Variants in ACSS2 observed in about 807,000 individuals in gnomAD.
The protein encoded by ACSS2 is acyl-CoA synthetase short chain family member 2.
Under a neutral mutation model 90.6 loss-of-function variants are expected in ACSS2, and 58 were observed. The observed-to-expected ratio is 0.64, with a 90% CI of 0.52 to 0.80. The LOEUF is 0.80. ACSS2 is among the 30% of genes least tolerant of loss of function. The pLI is 0.00. For missense variants in ACSS2, 759 were observed against 912.0 expected (o/e 0.83, Z 2.16); for synonymous variants, 300 against 330.9 (o/e 0.91, Z 1.01).
At chr20:34,913,636 C>T (rs1446893307) in intron 4 of ACSS2, 117 bp from the exon 5 acceptor site, 5 of 1,259,632 alleles carry the variant, frequency 4.0e-6, no homozygotes, top group South Asian at 1.3e-5. Flanking sequence ...ATTAGTTATT[C>T]AGTTTCTTCT....
At chr20:34,925,822 CAGCCGA>C (rs1276164624) in intron 15 of ACSS2, 56 bp downstream of exon 15, 1 of 1,571,198 alleles carries the variant, frequency 6.4e-7, no homozygotes, top group Non-Finnish European at 8.7e-7. Flanking sequence ...TGACAACACC[CAGCCGA>C]AGCCTTCCGC....
rs71761863 is a variant in ACSS2, at chr20:34,881,017, A to ATT, written c.179-1751_179-1750dup. On this transcript the variant is annotated intron_variant, in intron 1 of 17. Coordinates refer to ENST00000360596, the MANE Select transcript of ACSS2 (RefSeq NM_018677.4). Reference sequence around the variant, plus strand: ...TTCTAATTGCTTCTCTTTCCTCCAAATTTTTTTTTTTTTTTTTTTTTTTTT... The same window carrying ATT: ...TTCTAATTGCTTCTCTTTCCTCCAAATTTTTTTTTTTTTTTTTTTTTTTTTTT... Among the ~76,000 whole-genome samples, 509 of 75,572 alleles carry ATT rather than the reference A, an allele frequency of 6.7e-3. 28 individuals are homozygous for ATT. The highest frequency in any genetic ancestry group is 0.026 in the African/African-American group (468 of 17,914). 49.6% of individuals were successfully genotyped at this position (75,572 alleles called of 152,430 possible).
rs1045619203 is a variant in ACSS2, at chr20:34,885,332, A to G, written c.374+2343A>G. On this transcript the variant is annotated intron_variant, in intron 2 of 17. Coordinates refer to ENST00000360596, the MANE Select transcript of ACSS2 (RefSeq NM_018677.4). Reference sequence around the variant, plus strand: ...AGGTGCCTAATGGAAAACAGAATACACAGGCCAGAGTTTTCAATCACTGGA... The same window carrying G: ...AGGTGCCTAATGGAAAACAGAATACGCAGGCCAGAGTTTTCAATCACTGGA... 2.0e-5 allele frequency among the ~76,000 whole-genome samples: 3 copies of G among 152,246 alleles called. No homozygotes were observed. In the East Asian group the frequency reaches 5.8e-4, roughly 29 times the overall value.
intron 2 of ACSS2, among the ~76,000 whole-genome samples, chr20:34,893,050 A>G (rs2080373139): frequency 6.6e-6 from 1 of 152,098 alleles, no homozygotes; most frequent in Admixed American, 6.5e-5. Flanking sequence ...ACAGGGTACT[A>G]TTACCATTCT....
At chr20:34,875,000 G>A (rs1286730090), upstream of ACSS2, 1 of 531,076 alleles carries the variant, frequency 1.9e-6, no homozygotes, top group Non-Finnish European at 3.9e-6. Context: ...CAAGGCCTGT[G>A]TAGGCTTCAG....
chr20:34,897,036 GA>G lies in ACSS2; in HGVS notation c.374+14058del, dbSNP rs36102262. Among the ~76,000 whole-genome samples the G allele has an allele frequency of 4.3e-3, 635 of 147,016 alleles. 2 individuals carry two copies. Among genetic ancestry groups the G allele is most frequent in the African/African-American group, 0.015 (592 of 39,818 alleles). ...CAGAGCTAGACTGTCTCAAAAAAAG[GA>G]AAAAAAAAAATAGAAAGAGGCAAGA... is the stretch of plus-strand genomic sequence containing the variant. On this transcript the variant is annotated intron_variant, in intron 2 of 17. Coordinates refer to ENST00000360596, the MANE Select transcript of ACSS2 (RefSeq NM_018677.4).
Position 34,914,078 on chromosome 20 carries a change from G to A in ACSS2, c.644-18G>A, listed in dbSNP as rs1468978929. The A allele has an allele frequency of 9.9e-6, 16 of 1,613,832 alleles. No individual in the cohort carries two copies. Among genetic ancestry groups the A allele is most frequent in the Non-Finnish European group, 1.4e-5 (16 of 1,179,868 alleles). ...CATGGGGCTTACTAAGGCCTGGAATGTCTGTTGCTCCCCAAAGATGCCTTC... is the reference window on the plus strand; with the variant it reads ...CATGGGGCTTACTAAGGCCTGGAATATCTGTTGCTCCCCAAAGATGCCTTC... On this transcript the variant is annotated intron_variant, in intron 5 of 17. Coordinates refer to ENST00000360596, the MANE Select transcript of ACSS2 (RefSeq NM_018677.4).
Position 34,921,876 on chromosome 20 carries a change from T to C in ACSS2, c.1548+10T>C, listed in dbSNP as rs1238748067. Reference sequence around the variant, plus strand: ...AGCTGAAGGTTATCTGGTGAGGCCCTGGCCCTTGGGAGTCTTTAAGGAGAG... The same window carrying C: ...AGCTGAAGGTTATCTGGTGAGGCCCCGGCCCTTGGGAGTCTTTAAGGAGAG... On this transcript the variant is annotated intron_variant, in intron 13 of 17. Transcript: ENST00000360596. The C allele has an allele frequency of 1.2e-6, 2 of 1,610,762 alleles. No homozygotes were observed.
intron 2 of ACSS2, among the ~76,000 whole-genome samples, chr20:34,904,759 T>G (rs557483777): frequency 2.0e-5 from 3 of 152,110 alleles, no homozygotes; most frequent in Non-Finnish European, 4.4e-5. Context: ...TGAGAAGGAC[T>G]AGTGACTGTG....
rs77130458 is a variant in ACSS2 at position 34,895,881 on chromosome 20, C to T, written c.374+12892C>T. 4.1e-3 allele frequency among the ~76,000 whole-genome samples: 617 copies of T among 152,262 alleles called. 2 individuals are homozygous for T. The highest frequency in any genetic ancestry group is 0.014 in the African/African-American group (585 of 41,550). On this transcript the variant is annotated intron_variant, in intron 2 of 17. Coordinates refer to ENST00000360596, the MANE Select transcript of ACSS2 (RefSeq NM_018677.4). ...GATTGAGGACTAATGATTTAAACTG[C>T]CTTTGACCTAGATAATAGAGAACCA...
rs1377448000 is a variant in ACSS2, at chr20:34,923,342, C to T, written c.1568C>T (p.Pro523Leu). 6.2e-7 allele frequency: 1 copy of T among 1,614,120 alleles called. No homozygotes were observed. Among genetic ancestry groups the T allele is most frequent in the South Asian group, 1.1e-5 (1 of 91,080 alleles). ...CCCCAGGTGTTCAAGCAGCCCTGGC[C>T]AGGGATCATGCGCACAGTCTATGGG... ...EGYLVFKQPW[P>L]GIMRTVYGNH... Residue 523 changes from proline to leucine, a missense_variant, in exon 14 of 18, where the codon CCA (proline) becomes CTA (leucine). Transcript: ENST00000360596.
At position 34,922,593 on chromosome 20, in the gene ACSS2, A is replaced by G. The variant is rs549013398; in HGVS notation, c.1548+727A>G. Reference sequence around the variant, plus strand: ...CACTTCATCCTGGGCAACAAGAGCAAAATTCCGTCTCAGAAAAAAATAATG... The same window carrying G: ...CACTTCATCCTGGGCAACAAGAGCAGAATTCCGTCTCAGAAAAAAATAATG... On this transcript the variant is annotated intron_variant, in intron 13 of 17. Transcript: ENST00000360596. Among the ~76,000 whole-genome samples the G allele has an allele frequency of 7.0e-4, 107 of 152,320 alleles. 1 individual carries two copies. The highest frequency in any genetic ancestry group is 2.5e-3 in the South Asian group (12 of 4,826).
chr20:34,895,202 A>C (rs1013844431), intron 2 of ACSS2, among the ~76,000 whole-genome samples: 3 of 152,168 alleles, frequency 2.0e-5, no homozygotes, highest in Admixed American at 2.0e-4. Context: ...AAAAAATCGA[A>C]TTTCCAAAAC....
At chr20:34,881,841 A>G (rs1322824754) in intron 1 of ACSS2, among the ~76,000 whole-genome samples, 2 of 152,222 alleles carry the variant, frequency 1.3e-5, no homozygotes, top group Non-Finnish European at 2.9e-5. Flanking sequence ...GATAATACAT[A>G]TGAAAAGCTT....
chr20:34,919,760 G>A (rs942150976), intron 8 of ACSS2, among the ~76,000 whole-genome samples, 188 bp downstream of exon 8: 5 of 152,056 alleles, frequency 3.3e-5, no homozygotes, highest in African/African-American at 1.2e-4. Context: ...TAGGTGGTGA[G>A]GCCCAGGGTG....
Position 34,920,561 on chromosome 20 carries a change from G to A in ACSS2, c.995G>A (p.Gly332Asp). 2 of 1,614,084 alleles carry A rather than the reference G, an allele frequency of 1.2e-6. No homozygotes were observed. The highest frequency in any genetic ancestry group is 1.7e-6 in the Non-Finnish European group (2 of 1,180,012). Residue 332 changes from glycine to aspartate, a missense_variant, in exon 9 of 18, where the codon GGC becomes GAC. Physicochemically the swap from Gly to Asp is moderately conservative, Grantham distance 94. Transcript: ENST00000360596. ...KPKGVVHTVG[G>D]YMLYVATTFK... is the part of the protein sequence containing the mutation. Reference sequence around the variant, plus strand: ...CAGGGTGTGGTTCACACAGTTGGGGGCTACATGCTCTATGTAGCCACAACC... The same window carrying A: ...CAGGGTGTGGTTCACACAGTTGGGGACTACATGCTCTATGTAGCCACAACC...
At chr20:34,886,444 C>A (rs1035593631) in intron 2 of ACSS2, among the ~76,000 whole-genome samples, 2 of 151,852 alleles carry the variant, frequency 1.3e-5, no homozygotes, top group Admixed American at 1.3e-4. Context: ...AATAGTGAAA[C>A]CTCATCTCTA....
At chr20:34,926,384 C>T in intron 16 of ACSS2, 103 bp downstream of exon 16, 1 of 1,331,356 alleles carries the variant, frequency 7.5e-7, no homozygotes, top group Non-Finnish European at 1.0e-6. Context: ...CCCCAAACCA[C>T]AAACAGATTC....
At chr20:34,915,684 G>A (rs1020588665) in intron 7 of ACSS2, among the ~76,000 whole-genome samples, 2 of 152,142 alleles carry the variant, frequency 1.3e-5, no homozygotes, top group African/African-American at 2.4e-5. Flanking sequence ...GAAAATCTAA[G>A]TTTTATACAG....
Sources: gnomAD v4.1 joint callset for allele counts (sites outside exome capture counted in the v4.1 genomes callset) on GRCh38, gnomAD v4.1.1 for gene constraint, MANE v1.5 for transcripts, NCBI Gene and HGNC (gene_info 2026-07-23, HGNC 2026-07-21) for gene names.